The following STXBP5L variants were observed in gnomAD, a reference collection of about 807,000 sequenced individuals.
STXBP5L encodes the protein syntaxin-binding protein 5-like.
A neutral mutation model predicts 144.5 loss-of-function variants in STXBP5L; 65 were observed. The observed-to-expected ratio is 0.45, with a 90% confidence interval of 0.37 to 0.55. The LOEUF is 0.55. STXBP5L is among the 20% of genes least tolerant of loss of function. The pLI is 0.00. For missense variants in STXBP5L, 1,298 were observed against 1,405.5 expected, an observed-to-expected ratio of 0.92 and a Z score of 1.22; for synonymous variants, 505 against 469.6, an observed-to-expected ratio of 1.08 and a Z score of -0.97.
chr3:121,371,965 C>T (rs972441492), intron 20 of STXBP5L, among the ~76,000 whole-genome samples: 15 of 152,174 alleles, frequency 9.9e-5, no homozygotes, highest in East Asian at 3.9e-4. Context: ...TGCATATTTA[C>T]GCTGGCAGGG....
At chr3:121,007,459 T>C (rs570286077) in intron 3 of STXBP5L, among the ~76,000 whole-genome samples, 2 of 152,188 alleles carry the variant, frequency 1.3e-5, no homozygotes, top group South Asian at 4.1e-4. Flanking sequence ...AATTAGTGTT[T>C]TTTTAATTCC....
At chr3:120,932,359 G>A (rs1011873449) in intron 2 of STXBP5L, among the ~76,000 whole-genome samples, 2 of 152,082 alleles carry the variant, frequency 1.3e-5, no homozygotes, top group African/African-American at 4.8e-5. Context: ...AGAAAGTAAT[G>A]CAGATGTTAT....
intron 22 of STXBP5L, among the ~76,000 whole-genome samples, chr3:121,385,891 T>A (rs1487370698): frequency 6.6e-6 from 1 of 152,174 alleles, no homozygotes; most frequent in Non-Finnish European, 1.5e-5. Flanking sequence ...TAATGTGCTT[T>A]CTTATGGATA....
intron 20 of STXBP5L, among the ~76,000 whole-genome samples, chr3:121,362,808 TG>T (rs1437064914): frequency 6.6e-6 from 1 of 152,074 alleles, no homozygotes; most frequent in Non-Finnish European, 1.5e-5. Context: ...GAAGGAGTTT[TG>T]CCCCATAGCC....
intron 5 of STXBP5L, among the ~76,000 whole-genome samples, chr3:121,092,183 A>G (rs1489821698): frequency 1.3e-5 from 2 of 152,018 alleles, no homozygotes; most frequent in Non-Finnish European, 2.9e-5. Flanking sequence ...GCCTTGTAGT[A>G]TAGTTTGAAG....
intron 3 of STXBP5L, among the ~76,000 whole-genome samples, chr3:120,975,834 G>A (rs1297797015): frequency 1.3e-5 from 2 of 151,962 alleles, no homozygotes; most frequent in Admixed American, 6.6e-5. Context: ...CTGTTTATAT[G>A]CTGGATTACA....
intron 18 of STXBP5L, among the ~76,000 whole-genome samples, chr3:121,272,021 A>G (rs74280562): frequency 0.12 from 18,323 of 152,250 alleles, 1,155 homozygotes; most frequent in Non-Finnish European, 0.14. Context: ...TATGATTTCA[A>G]TCAGCTAAGA....
At chr3:121,189,063 A>C (rs1347434492) in intron 9 of STXBP5L, among the ~76,000 whole-genome samples, 1 of 152,188 alleles carries the variant, frequency 6.6e-6, no homozygotes, top group Non-Finnish European at 1.5e-5. Context: ...AGAAAACCCC[A>C]TTGTCTTCAC....
At chr3:121,350,093 G>C (rs918705710) in intron 20 of STXBP5L, among the ~76,000 whole-genome samples, 1 of 152,114 alleles carries the variant, frequency 6.6e-6, no homozygotes, top group African/African-American at 2.4e-5. Context: ...GCAGTGGCTG[G>C]TACCAGTTAT....
intron 20 of STXBP5L, among the ~76,000 whole-genome samples, chr3:121,377,630 T>A (rs747168423): frequency 6.6e-6 from 1 of 152,204 alleles, no homozygotes; most frequent in Non-Finnish European, 1.5e-5. Flanking sequence ...AGATACCATC[T>A]CAGGCCAGTT....
intron 22 of STXBP5L, among the ~76,000 whole-genome samples, chr3:121,396,734 G>A (rs1188795546): frequency 1.3e-5 from 2 of 152,240 alleles, no homozygotes; most frequent in Non-Finnish European, 2.9e-5. Context: ...TTGTGAAAGT[G>A]TCTAGCATTA....
intron 3 of STXBP5L, among the ~76,000 whole-genome samples, chr3:120,975,311 A>G (rs192631502): frequency 3.9e-4 from 60 of 152,276 alleles, no homozygotes; most frequent in African/African-American, 1.4e-3. Flanking sequence ...AGCAATTGTG[A>G]ATGGGAGTTC....
At chr3:121,315,962 C>G (rs1288265270) in intron 19 of STXBP5L, among the ~76,000 whole-genome samples, 1 of 148,566 alleles carries the variant, frequency 6.7e-6, no homozygotes, top group Non-Finnish European at 1.5e-5. Flanking sequence ...GAGATTGCAC[C>G]AATTCATTCC....
chr3:121,035,201 A>T (rs1946669700), intron 3 of STXBP5L, among the ~76,000 whole-genome samples: 1 of 152,054 alleles, frequency 6.6e-6, no homozygotes, highest in African/African-American at 2.4e-5. Context: ...TGTTGTCAGA[A>T]GGTTTTATTT....
chr3:121,035,701 G>T (rs1946700003), intron 3 of STXBP5L, among the ~76,000 whole-genome samples: 1 of 151,914 alleles, frequency 6.6e-6, no homozygotes, highest in Admixed American at 6.6e-5. Context: ...ACTTTTATTG[G>T]TTCCATATGA....
intron 3 of STXBP5L, among the ~76,000 whole-genome samples, chr3:121,003,472 A>G (rs949046027): frequency 2.0e-5 from 3 of 152,142 alleles, no homozygotes; most frequent in Admixed American, 6.6e-5. Flanking sequence ...AGATGAGTAG[A>G]TTGCAAAAAT....
intron 7 of STXBP5L, among the ~76,000 whole-genome samples, chr3:121,128,643 A>G (rs1039068291): frequency 1.1e-4 from 17 of 152,066 alleles, no homozygotes; most frequent in Admixed American, 9.8e-4. Context: ...TAATTACCAT[A>G]ATAAGCAGCA....
intron 20 of STXBP5L, among the ~76,000 whole-genome samples, chr3:121,333,690 A>C (rs970670891): frequency 1.3e-5 from 2 of 152,158 alleles, no homozygotes; most frequent in African/African-American, 4.8e-5. Context: ...CAACAAAGGG[A>C]GGTTACCACT....
chr3:121,340,638 A>G (rs920897610), intron 20 of STXBP5L, among the ~76,000 whole-genome samples: 39 of 152,076 alleles, frequency 2.6e-4, no homozygotes, highest in African/African-American at 9.4e-4. Flanking sequence ...AACTTCATCC[A>G]TGTTCCTGCA....
Sources: allele counts gnomAD v4.1 joint callset (sites outside exome capture counted in the v4.1 genomes callset), GRCh38; gene constraint gnomAD v4.1.1; transcripts MANE v1.5; gene names NCBI Gene and HGNC (gene_info 2026-07-23, HGNC 2026-07-21).